Variants in FANCL observed in about 807,000 individuals in gnomAD.
FANCL encodes the protein E3 ubiquitin-protein ligase FANCL.
A neutral mutation model predicts 59.4 loss-of-function variants in FANCL; 69 were observed. The observed-to-expected ratio is 1.16, with a 90% CI of 0.96 to 1.42. FANCL has a LOEUF of 1.42. Ranked by LOEUF, FANCL falls within the 40% of genes most tolerant of loss-of-function variation. The pLI is 0.00. For missense variants in FANCL, 519 were observed against 447.2 expected (o/e 1.16, Z -1.45); for synonymous variants, 180 against 147.1 (o/e 1.22, Z -1.62).
At chr2:58,171,808 C>A (rs755566712) in intron 7 of FANCL, among the ~76,000 whole-genome samples, 2 of 152,202 alleles carry the variant, frequency 1.3e-5, no homozygotes, top group Admixed American at 1.3e-4. Context: ...CGAGGCACTG[C>A]CTCCCTCGGG....
At chr2:58,201,811 C>G (rs1231833187) in intron 6 of FANCL, among the ~76,000 whole-genome samples, 2 of 151,714 alleles carry the variant, frequency 1.3e-5, no homozygotes, top group African/African-American at 4.8e-5. Flanking sequence ...TTGTGAGTTT[C>G]TTGGAGATCG....
At chr2:58,232,012 C>G in intron 2 of FANCL, 42 bp downstream of exon 2, 1 of 1,582,054 alleles carries the variant, frequency 6.3e-7, no homozygotes, top group South Asian at 1.1e-5. Context: ...CCTGTCCCAC[C>G]AAAATGCAAA....
intron 7 of FANCL, among the ~76,000 whole-genome samples, chr2:58,172,601 TAACAG>T (rs1686773300): frequency 1.3e-5 from 2 of 151,548 alleles, no homozygotes; most frequent in Non-Finnish European, 3.0e-5. Context: ...GTCTGTGTGT[TAACAG>T]AAAAGACATC....
intron 7 of FANCL, among the ~76,000 whole-genome samples, chr2:58,173,937 G>A (rs1406018103): frequency 2.0e-5 from 3 of 151,982 alleles, no homozygotes; most frequent in Non-Finnish European, 4.4e-5. Flanking sequence ...AAAGGATGGA[G>A]GAAGATCTAC....
chr2:58,236,933 G>C (rs912757890), intron 1 of FANCL, among the ~76,000 whole-genome samples: 2 of 152,046 alleles, frequency 1.3e-5, no homozygotes, highest in African/African-American at 4.8e-5. Context: ...AAAGTTTATG[G>C]ACCTAATAAC....
At position 58,171,913 on chromosome 2, in the gene FANCL, C is replaced by G. The variant is rs150405034; in HGVS notation, c.541-6039G>C. ...GGGTCACTCCCACCCCAATACTGCG[C>G]TTTTCCGACGGGTTTAAAAAACGGC... is the stretch of plus-strand genomic sequence containing the variant. On this transcript the variant is annotated intron_variant, in intron 7 of 13. Coordinates refer to ENST00000233741, the MANE Select transcript of FANCL (RefSeq NM_018062.4). 3.2e-3 allele frequency among the ~76,000 whole-genome samples: 484 copies of G among 152,338 alleles called. 1 individual carries two copies. The highest frequency in any genetic ancestry group is 5.1e-3 in the Non-Finnish European group (349 of 68,030).
chr2:58,162,795 T>C (rs1034349027), intron 11 of FANCL, 71 bp downstream of exon 11: 56 of 1,325,092 alleles, frequency 4.2e-5, no homozygotes, highest in Non-Finnish European at 6.1e-5. Context: ...AGCCTCATTT[T>C]TCACTGAGAG....
rs1407463146 is a variant in FANCL at position 58,159,942 on chromosome 2, T to C, written c.1093-142A>G. ...GAAGTTTCAGATCACCTAGGAAATC[T>C]AGAAAAGGAGTTTAATGTTTTTGAT... is the stretch of plus-strand genomic sequence containing the variant. On this transcript the variant is annotated intron_variant, in intron 13 of 13. Transcript: ENST00000233741. 9.2e-6 allele frequency: 14 copies of C among 1,526,208 alleles called. No individual in the cohort carries two copies. The East Asian group carries it at 1.9e-4, about 21-fold the overall frequency. 94.5% of individuals were successfully genotyped at this position (1,526,208 alleles called of 1,614,324 possible). A position where few individuals can be genotyped will look rare whatever the true frequency, so the allele number is the denominator to read the frequency against.
chr2:58,226,005 C>A (rs1420468148), intron 4 of FANCL, among the ~76,000 whole-genome samples: 2 of 151,868 alleles, frequency 1.3e-5, no homozygotes, highest in Non-Finnish European at 2.9e-5. Context: ...TATTTAAAAA[C>A]AGATAAAAAG....
intron 4 of FANCL, among the ~76,000 whole-genome samples, chr2:58,224,352 A>C (rs1692768953): frequency 6.6e-6 from 1 of 151,840 alleles, no homozygotes; most frequent in African/African-American, 2.4e-5. Context: ...AATATGCTTC[A>C]CTTGTTCACT....
chr2:58,165,823 T>G lies in FANCL; in HGVS notation c.592A>C (p.Lys198Gln), dbSNP rs1296724277. The change falls in exon 8 of 14, where the codon AAG (lysine) becomes CAG (glutamine). Residue 198 changes from lysine (K) to glutamine (Q), a missense_variant. Physicochemically the swap from Lys to Gln is moderately conservative, Grantham distance 53. Transcript: ENST00000233741. ...TCATCCATAACATCCCAGAATGCCT[T>G]TAGTGATTCTATTGCTGCCAAAAAC... ...SQFLAAIESL[K>Q]AFWDVMDEID... The G allele has an allele frequency of 6.2e-7, 1 of 1,614,080 alleles. No homozygotes were observed. Among genetic ancestry groups the G allele is most frequent in the Non-Finnish European group, 8.5e-7 (1 of 1,179,958 alleles).
intron 5 of FANCL, among the ~76,000 whole-genome samples, chr2:58,214,275 G>A (rs1439024538): frequency 2.0e-5 from 3 of 152,056 alleles, no homozygotes; most frequent in African/African-American, 7.2e-5. Context: ...TTAGAAATCT[G>A]TTCCTTTTTC....
chr2:58,190,448 T>C (rs916611620), intron 7 of FANCL, among the ~76,000 whole-genome samples: 11 of 140,878 alleles, frequency 7.8e-5, no homozygotes, highest in African/African-American at 3.0e-4. Context: ...TAGCATCCTA[T>C]ATTGTGTACT....
intron 3 of FANCL, 135 bp downstream of exon 3, chr2:58,229,679 G>T (rs1693384992): frequency 7.2e-6 from 5 of 691,724 alleles, no homozygotes; most frequent in Middle Eastern, 7.8e-4. Context: ...AAAACACACA[G>T]AGATGAAACC....
Position 58,231,933 on chromosome 2 carries a change from G to GGCAAATGACTAATAAGTCATTA in FANCL, c.155+120_155+121insTAATGACTTATTAGTCATTTGC, listed in dbSNP as rs1693624468. 4 of 777,490 alleles carry GGCAAATGACTAATAAGTCATTA rather than the reference G, an allele frequency of 5.1e-6. No individual in the cohort carries two copies. In the South Asian group the frequency reaches 6.1e-5, roughly 12 times the overall value. The allele number at this position is 777,490 out of a possible 1,614,324, so 48.2% of individuals were successfully genotyped here. On this transcript the variant is annotated intron_variant, in intron 2 of 13. Transcript: ENST00000233741. ...GGAAAAATCAGAAATGTTTCTTTTG[G>GGCAAATGACTAATAAGTCATTA]GGCAAATGACTAATAAGCATTTTAG...
intron 7 of FANCL, among the ~76,000 whole-genome samples, chr2:58,186,903 A>G (rs776150803): frequency 6.6e-6 from 1 of 152,214 alleles, no homozygotes; most frequent in Non-Finnish European, 1.5e-5. Flanking sequence ...CAATCATTAA[A>G]AAGTCAGGAA....
intron 7 of FANCL, among the ~76,000 whole-genome samples, chr2:58,190,376 T>C (rs1688809798): frequency 1.3e-5 from 2 of 149,354 alleles, no homozygotes; most frequent in South Asian, 4.2e-4. Context: ...TTTTGAAAAG[T>C]GAAAGAAAGA....
chr2:58,208,819 A>G (rs1690843690), intron 5 of FANCL, among the ~76,000 whole-genome samples: 3 of 152,170 alleles, frequency 2.0e-5, no homozygotes, highest in Admixed American at 1.3e-4. Flanking sequence ...ATCTTCCTAA[A>G]TACATTTTTA....
At chr2:58,190,709 G>A (rs1688845710) in intron 7 of FANCL, among the ~76,000 whole-genome samples, 1 of 151,844 alleles carries the variant, frequency 6.6e-6, no homozygotes, top group South Asian at 2.1e-4. Context: ...TTTGCTGCTA[G>A]CTGACAATGT....
Sources: gnomAD v4.1 joint callset for allele counts (sites outside exome capture counted in the v4.1 genomes callset) on GRCh38, gnomAD v4.1.1 for gene constraint, MANE v1.5 for transcripts, NCBI Gene and HGNC (gene_info 2026-07-23, HGNC 2026-07-21) for gene names.